The following LVRN variants were observed in gnomAD, a reference collection of about 807,000 sequenced individuals.
LVRN encodes laeverin, also known as aminopeptidase Q.
LVRN carries 99 observed loss-of-function variants against 111.4 expected under a neutral mutation model. The ratio of observed to expected loss-of-function variants is 0.89; its 90% CI spans 0.76 to 1.05. LVRN has a LOEUF of 1.05. LVRN is among the 50% of genes least tolerant of loss of function. The pLI, the probability that LVRN is intolerant of heterozygous loss-of-function variation, is 0.00. For missense variants in LVRN, 1,414 were observed against 1,206.8 expected (o/e 1.17, Z -2.54); for synonymous variants, 488 against 449.5 (o/e 1.09, Z -1.08).
intron 18 of LVRN, 135 bp from the exon 19 acceptor site, chr5:116,022,256 C>A: frequency 1.6e-6 from 1 of 636,332 alleles, no homozygotes; most frequent in Non-Finnish European, 2.8e-6. Flanking sequence ...TAAACTAGTT[C>A]ATACATGTTT....
At chr5:115,990,599 T>G (rs1747964696) in intron 4 of LVRN, among the ~76,000 whole-genome samples, 1 of 152,194 alleles carries the variant, frequency 6.6e-6, no homozygotes, top group Non-Finnish European at 1.5e-5. Context: ...TGAGACGGCA[T>G]CTCACTCTAT....
chr5:115,965,707 A>G (rs771508160), intron 1 of LVRN, among the ~76,000 whole-genome samples: 3 of 151,856 alleles, frequency 2.0e-5, no homozygotes, highest in Admixed American at 6.6e-5. Context: ...ATCTCATGAG[A>G]TCTGATGGTT....
chr5:115,977,386 G>A (rs1753471155), intron 1 of LVRN, among the ~76,000 whole-genome samples: 1 of 152,096 alleles, frequency 6.6e-6, no homozygotes, highest in South Asian at 2.1e-4. Context: ...TGCTTTGCTT[G>A]TTTCTCTTCT....
intron 10 of LVRN, among the ~76,000 whole-genome samples, chr5:116,002,397 G>T (rs76577420): frequency 1.1e-3 from 174 of 152,326 alleles, no homozygotes; most frequent in African/African-American, 3.9e-3. Flanking sequence ...GTTTTCAGAT[G>T]GGGAGAATGC....
chr5:115,967,320 T>A (rs1441098204), intron 1 of LVRN, among the ~76,000 whole-genome samples: 1 of 152,206 alleles, frequency 6.6e-6, no homozygotes, highest in African/African-American at 2.4e-5. Context: ...TTTTAAGATG[T>A]TATGTTTAGG....
At chr5:115,988,291 G>C (rs1446931296) in intron 4 of LVRN, among the ~76,000 whole-genome samples, 1 of 151,482 alleles carries the variant, frequency 6.6e-6, no homozygotes, top group South Asian at 2.1e-4. Flanking sequence ...GATCACTTTA[G>C]CTAGCGGGCT....
intron 1 of LVRN, among the ~76,000 whole-genome samples, chr5:115,964,046 A>T (rs1396339596): frequency 6.6e-6 from 1 of 152,220 alleles, no homozygotes; most frequent in Non-Finnish European, 1.5e-5. Context: ...CTCATTTGAG[A>T]TAATATCTCC....
intron 6 of LVRN, 78 bp downstream of exon 6, chr5:115,993,932 T>C (rs1748051210): frequency 2.5e-6 from 2 of 802,778 alleles, no homozygotes; most frequent in African/African-American, 1.8e-5. Flanking sequence ...TGAAAATGTA[T>C]AAAATACAAG....
intron 1 of LVRN, among the ~76,000 whole-genome samples, chr5:115,964,973 G>C (rs922686557): frequency 6.6e-6 from 1 of 152,200 alleles, no homozygotes; most frequent in Non-Finnish European, 1.5e-5. Context: ...AGGATGGCTT[G>C]TGGTACGCCA....
In LVRN at chr5:116,026,113, A is replaced by C. The variant is rs1748857716; in HGVS notation, c.2968A>C (p.Thr990Pro). The change falls in exon 20 of 20, where the codon ACA becomes CCA. Residue 990 changes from threonine (T) to proline (P), a missense_variant. Physicochemically the swap from Thr to Pro is conservative, Grantham distance 38 (BLOSUM62 -1). Transcript: ENST00000357872. ...GATAGCTGCGTGGCTAAGGAGAAAC[A>C]CATAGCTTGTGGCTATCTTTCAGCA... ...ARIAAWLRRN[T>P] The C allele has an allele frequency of 6.2e-7, 1 of 1,613,746 alleles. No individual in the cohort carries two copies. The highest frequency in any genetic ancestry group is 1.1e-5 in the South Asian group (1 of 91,060).
chr5:116,010,322 C>G (rs1001045406), intron 13 of LVRN, among the ~76,000 whole-genome samples: 15 of 152,174 alleles, frequency 9.9e-5, no homozygotes, highest in Admixed American at 4.6e-4. Flanking sequence ...TGGTCTGGAA[C>G]AGAATCCACA....
At chr5:116,019,724 G>A (rs143981615) in intron 18 of LVRN, among the ~76,000 whole-genome samples, 49 of 152,276 alleles carry the variant, frequency 3.2e-4, no homozygotes, top group Middle Eastern at 3.4e-3. Flanking sequence ...GGGGCTTTGC[G>A]CCCCTCCCAT....
rs543536440 is a variant in LVRN at position 115,976,740 on chromosome 5, C to G, written c.696-6547C>G. Among the ~76,000 whole-genome samples the G allele has an allele frequency of 5.3e-5, 8 of 152,118 alleles. No individual in the cohort carries two copies. In the East Asian group the frequency reaches 1.4e-3, roughly 26 times the overall value. On this transcript the variant is annotated intron_variant, in intron 1 of 19. Transcript: ENST00000357872. ...ATTTGCTTTCCAAATGTTTCAGCAT[C>G]TTCTCATTTTTTATTGAATGCCTGA...
chr5:115,990,642 C>G (rs940913542), intron 4 of LVRN, among the ~76,000 whole-genome samples: 1 of 152,092 alleles, frequency 6.6e-6, no homozygotes, highest in Non-Finnish European at 1.5e-5. Context: ...TGCAATCCCC[C>G]CCTACTGACA....
At chr5:115,990,939 T>C (rs1247850590) in intron 4 of LVRN, among the ~76,000 whole-genome samples, 1 of 152,164 alleles carries the variant, frequency 6.6e-6, no homozygotes, top group Admixed American at 6.5e-5. Flanking sequence ...GTGCAAAAAA[T>C]ACAGAGAGTT....
At chr5:116,008,347 A>T (rs1016757855) in intron 13 of LVRN, among the ~76,000 whole-genome samples, 2 of 152,136 alleles carry the variant, frequency 1.3e-5, no homozygotes, top group African/African-American at 4.8e-5. Flanking sequence ...CCGTCTAAAA[A>T]AATAATAATA....
At chr5:116,007,093 A>G (rs1748391587) in intron 13 of LVRN, among the ~76,000 whole-genome samples, 1 of 152,164 alleles carries the variant, frequency 6.6e-6, no homozygotes, top group African/African-American at 2.4e-5. Flanking sequence ...TCCCACACTA[A>G]GCCAAGCTTT....
At chr5:115,964,602 T>C (rs1753163703) in intron 1 of LVRN, among the ~76,000 whole-genome samples, 1 of 151,484 alleles carries the variant, frequency 6.6e-6, no homozygotes, top group Admixed American at 6.6e-5. Flanking sequence ...TATCTGACTT[T>C]TTTTTTTTTC....
intron 1 of LVRN, among the ~76,000 whole-genome samples, chr5:115,966,488 A>G (rs938702905): frequency 6.6e-6 from 1 of 152,168 alleles, no homozygotes; most frequent in Non-Finnish European, 1.5e-5. Flanking sequence ...TGGTTTTACA[A>G]ATAAATCTTC....
Sources: gnomAD v4.1 joint callset for allele counts (sites outside exome capture counted in the v4.1 genomes callset) on GRCh38, gnomAD v4.1.1 for gene constraint, MANE v1.5 for transcripts, NCBI Gene and HGNC (gene_info 2026-07-23, HGNC 2026-07-21) for gene names.